The following ITGB4 variants were observed in gnomAD, a reference collection of about 807,000 sequenced individuals.
ITGB4 encodes the protein integrin beta-4.
ITGB4 carries 159 observed loss-of-function variants against 207.6 expected under a neutral mutation model. The ratio of observed to expected loss-of-function variants is 0.77; its 90% confidence interval spans 0.67 to 0.87. The LOEUF is 0.87. Ranked by LOEUF, ITGB4 falls within the 40% of genes least tolerant of loss-of-function variation. The pLI is 0.00. For synonymous variants in ITGB4, 1,020 were observed against 1,062.7 expected (o/e 0.96, Z 0.78); for missense variants, 2,278 against 2,546.8 (o/e 0.89, Z 2.27).
Position 75,748,874 on chromosome 17 carries a change from C to T in ITGB4, c.3145C>T (p.Gln1049Ter). 6.2e-7 allele frequency: 1 copy of T among 1,612,786 alleles called. No individual in the cohort carries two copies. The highest frequency in any genetic ancestry group is 8.5e-7 in the Non-Finnish European group (1 of 1,179,848). Residue 1049 changes from glutamine to a stop codon, truncating the protein, a stop_gained, in exon 27 of 40, where the codon CAG becomes TAG. Coordinates refer to ENST00000200181, the MANE Select transcript of ITGB4 (RefSeq NM_000213.5). LOFTEE classifies it high-confidence loss of function. Reference sequence around the variant, plus strand: ...CCCCGTGGAGGGTGAGCTGCTGTTCCAGCCTGGGGAGGCCTGGAAAGAGCT... The same window carrying T: ...CCCCGTGGAGGGTGAGCTGCTGTTCTAGCCTGGGGAGGCCTGGAAAGAGCT... ...YIPVEGELLF[Q>*]PGEAWKELQV... is the part of the protein sequence containing the mutation.
At chr17:75,734,455 A>G (rs1482309785) in intron 13 of ITGB4, among the ~76,000 whole-genome samples, 1 of 151,916 alleles carries the variant, frequency 6.6e-6, no homozygotes, top group Non-Finnish European at 1.5e-5. Flanking sequence ...GCCCGGCCCA[A>G]AGATGCTAAA....
chr17:75,736,257 GCTGGCTCA>G, intron 14 of ITGB4, 23 bp from the exon 15 acceptor site: 6 of 1,602,960 alleles, frequency 3.7e-6, no homozygotes, highest in Non-Finnish European at 5.1e-6. Flanking sequence ...ATGGGGCACA[GCTGGCTCA>G]CTGGTGCCCC....
At chr17:75,728,894 G>C (rs2060786159) in intron 6 of ITGB4, among the ~76,000 whole-genome samples, 1 of 150,932 alleles carries the variant, frequency 6.6e-6, no homozygotes, top group Non-Finnish European at 1.5e-5. Flanking sequence ...TGAGGCAGGA[G>C]AATGGCGTGA....
rs765826823 is a variant in ITGB4 at position 75,754,613 on chromosome 17, G to A, written c.4356G>A (p.Pro1452=). 48 of 1,613,712 alleles carry A rather than the reference G, an allele frequency of 3.0e-5. No homozygotes were observed. The highest frequency in any genetic ancestry group is 6.7e-5 in the East Asian group (3 of 44,880). The change falls in exon 34 of 40, where the codon CCG becomes CCA. Residue 1452 remains proline, a synonymous_variant. Coordinates refer to ENST00000200181, the MANE Select transcript of ITGB4 (RefSeq NM_000213.5). ...ATGGCCGGATGGACTTTGCCTTCCC[G>A]GGCAGCACCAACTCCCTGCACAGGA... ...LVNGRMDFAF[P]GSTNSLHRMT...
rs770271972 is a variant in ITGB4, at chr17:75,756,794, G to A, written c.4988G>A (p.Arg1663Gln). Residue 1663 changes from arginine to glutamine, a missense_variant, in exon 37 of 40, where the codon CGG becomes CAG. By Grantham distance (43) the Arg-to-Gln change is conservative. Transcript: ENST00000200181. ...SPDSLQLSWE[R>Q]PRRPNGDIVG... ...GACTCGCTGCAGCTGAGCTGGGAGCGGCCACGGAGGCCCAATGGGGATATC... is the reference window on the plus strand; with the variant it reads ...GACTCGCTGCAGCTGAGCTGGGAGCAGCCACGGAGGCCCAATGGGGATATC... 1.2e-5 allele frequency: 19 copies of A among 1,612,474 alleles called. No homozygotes were observed. Among genetic ancestry groups the A allele is most frequent in the Non-Finnish European group, 1.6e-5 (19 of 1,180,006 alleles).
chr17:75,724,851 G>T, intron 2 of ITGB4, 69 bp downstream of exon 2: 4 of 1,330,588 alleles, frequency 3.0e-6, no homozygotes, highest in Non-Finnish European at 4.3e-6. Flanking sequence ...GCCCTTGCAC[G>T]GGGATCTCAC....
Position 75,742,535 on chromosome 17 carries a change from G to A in ITGB4, c.2782+46G>A, listed in dbSNP as rs1599272466. On this transcript the variant is annotated intron_variant, in intron 24 of 39. Transcript: ENST00000200181. This position sits in a 1 kb window ranked among gnomAD's most constrained non-coding sequence, Gnocchi z 5.9. ...TGCCACTGCCTCGCACCTCCCGCCT[G>A]TGTGGCCCTGTGACCCACCTCTGAC... The A allele has an allele frequency of 6.2e-7, 1 of 1,613,480 alleles. No homozygotes were observed. The highest frequency in any genetic ancestry group is 1.3e-5 in the African/African-American group (1 of 75,052).
chr17:75,752,028 G>A (rs982252339), intron 30 of ITGB4, 146 bp from the exon 31 acceptor site: 25 of 873,472 alleles, frequency 2.9e-5, no homozygotes, highest in African/African-American at 2.5e-4. Context: ...CTCCGCAGGC[G>A]GCAATTCAGC....
At chr17:75,754,308 C>T (rs2061436638) in intron 33 of ITGB4, among the ~76,000 whole-genome samples, 1 of 152,146 alleles carries the variant, frequency 6.6e-6, no homozygotes, top group South Asian at 2.1e-4. Flanking sequence ...TGACTGCAGA[C>T]GCAGCAAACC....
At chr17:75,721,896 G>C (rs945514328) in intron 1 of ITGB4, among the ~76,000 whole-genome samples, 5 of 152,242 alleles carry the variant, frequency 3.3e-5, no homozygotes, top group Non-Finnish European at 5.9e-5. Flanking sequence ...GTAGCCCTCT[G>C]GGGCTGGGCC....
At chr17:75,754,100 T>G in intron 33 of ITGB4, 126 bp downstream of exon 33, 1 of 446,638 alleles carries the variant, frequency 2.2e-6, no homozygotes, top group Non-Finnish European at 3.8e-6. Flanking sequence ...CCTTGGCGGC[T>G]GGGAGCACAG....
rs1427543717 is a variant in ITGB4, at chr17:75,732,167, AAG to A, written c.1385_1386del (p.Glu462GlyfsTer37). The A allele has an allele frequency of 7.4e-6, 12 of 1,614,066 alleles. No individual in the cohort carries two copies. The highest frequency in any genetic ancestry group is 1.0e-5 in the Non-Finnish European group (12 of 1,180,028). On this transcript the variant is annotated frameshift_variant, in exon 12 of 40. Transcript: ENST00000200181. LOFTEE classifies it high-confidence loss of function. The surrounding 1 kb of genome is among the most constrained non-coding windows in gnomAD (Gnocchi z 5.3). The stretch of plus-strand genomic sequence containing the variant: ...CCATGGTCTCTCTCATTCCAGCAAA[AAG>A]AGGTGCGGTCAGCTCGCTGCAGCTT...
chr17:75,739,602 G>A lies in ITGB4; in HGVS notation c.2221-70G>A. 8 of 1,573,280 alleles carry A rather than the reference G, an allele frequency of 5.1e-6. No individual in the cohort carries two copies. Among genetic ancestry groups the A allele is most frequent in the South Asian group, 1.1e-5 (1 of 90,202 alleles). On this transcript the variant is annotated intron_variant, in intron 18 of 39. Coordinates refer to ENST00000200181, the MANE Select transcript of ITGB4 (RefSeq NM_000213.5). This position sits in a 1 kb window ranked among gnomAD's most constrained non-coding sequence, Gnocchi z 5.4. The stretch of plus-strand genomic sequence containing the variant: ...CTCTTGACCATTGGCATGGGGCGGG[G>A]TGGCTGGAAGGGCTTACCTGGGCCA...
Position 75,756,415 on chromosome 17 carries a change from C to T in ITGB4, c.4709-14C>T. On this transcript the variant is annotated splice_polypyrimidine_tract_variant and intron_variant, in intron 35 of 39. Coordinates refer to ENST00000200181, the MANE Select transcript of ITGB4 (RefSeq NM_000213.5). ...AACACTGCACTACTGTGTGCCCCCACCTGATCCCCCCAGGTGAGCTGCATC... is the reference window on the plus strand; with the variant it reads ...AACACTGCACTACTGTGTGCCCCCATCTGATCCCCCCAGGTGAGCTGCATC... The T allele has an allele frequency of 6.2e-7, 1 of 1,613,154 alleles. No homozygotes were observed. The highest frequency in any genetic ancestry group is 8.5e-7 in the Non-Finnish European group (1 of 1,179,952).
chr17:75,744,112 G>A (rs1260533323), intron 26 of ITGB4, among the ~76,000 whole-genome samples: 16 of 138,388 alleles, frequency 1.2e-4, no homozygotes, highest in African/African-American at 3.9e-4. Flanking sequence ...AAGAGGGCTC[G>A]CTCTTTTTTT....
chr17:75,753,496 A>C (rs912946530), intron 32 of ITGB4, among the ~76,000 whole-genome samples: 5 of 152,124 alleles, frequency 3.3e-5, no homozygotes, highest in African/African-American at 4.8e-5. Flanking sequence ...GACTTCCCCC[A>C]GGTTTCTGGC....
At chr17:75,738,494 C>T (rs1283731633) in intron 18 of ITGB4, among the ~76,000 whole-genome samples, 1 of 152,184 alleles carries the variant, frequency 6.6e-6, no homozygotes, top group Admixed American at 6.5e-5. Flanking sequence ...ATGCACAGTC[C>T]TCAGAAGGGG....
intron 30 of ITGB4, among the ~76,000 whole-genome samples, chr17:75,751,352 G>A (rs2061362600): frequency 6.6e-6 from 1 of 152,196 alleles, no homozygotes; most frequent in African/African-American, 2.4e-5. Flanking sequence ...GTGGAGTGAG[G>A]TCACAGGCCC....
chr17:75,729,120 C>G lies in ITGB4; in HGVS notation c.567-145C>G, dbSNP rs545599193. ...TTGCAGTGAGCCAAGATCGTGCATA[C>G]CGCACACCAGCCTGGGTGATAAAGC... On this transcript the variant is annotated intron_variant, in intron 6 of 39. Coordinates refer to ENST00000200181, the MANE Select transcript of ITGB4 (RefSeq NM_000213.5). This position sits in a 1 kb window ranked among gnomAD's most constrained non-coding sequence, Gnocchi z 4.4. 1.4e-6 allele frequency: 1 copy of G among 719,194 alleles called. No homozygotes were observed. The highest frequency in any genetic ancestry group is 1.9e-5 in the South Asian group (1 of 51,438). 44.6% of individuals were successfully genotyped at this position (719,194 alleles called of 1,614,324 possible). A position where few individuals can be genotyped will look rare whatever the true frequency, so the allele number is the denominator to read the frequency against.
Sources: gnomAD v4.1 joint callset for allele counts (sites outside exome capture counted in the v4.1 genomes callset) on GRCh38, gnomAD v4.1.1 for gene constraint, Gnocchi (gnomAD v3.1) non-coding constraint, MANE v1.5 for transcripts, NCBI Gene and HGNC (gene_info 2026-07-23, HGNC 2026-07-21) for gene names.